Variants in YEATS2 observed in about 807,000 individuals in gnomAD.
YEATS2 encodes the protein YEATS domain-containing protein 2.
YEATS2 carries 77 observed loss-of-function variants against 163.2 expected under a neutral mutation model. The observed-to-expected ratio is 0.47, with a 90% confidence interval of 0.39 to 0.57. The LOEUF is 0.57. Among genes scored for constraint, YEATS2 ranks in the 20% least tolerant of loss-of-function variants. YEATS2 has a pLI of 0.00. For missense variants in YEATS2, 1,549 were observed against 1,729.8 expected (o/e 0.90, Z 1.85); for synonymous variants, 631 against 645.1 (o/e 0.98, Z 0.33).
chr3:183,750,148 A>C (rs968968259), intron 9 of YEATS2, among the ~76,000 whole-genome samples: 3 of 152,220 alleles, frequency 2.0e-5, no homozygotes. Flanking sequence ...TTGTAGAGAC[A>C]GGGTCTCACT....
Position 183,756,679 on chromosome 3 carries a change from T to C in YEATS2, c.1542T>C (p.Thr514=). 1 of 1,582,030 alleles carries C rather than the reference T, an allele frequency of 6.3e-7. No homozygotes were observed. The highest frequency in any genetic ancestry group is 8.6e-7 in the Non-Finnish European group (1 of 1,164,002). The part of the protein sequence containing the change: ...KQPGQVIGAT[T]PSTGSPTNKI... ...CGGGGCAGGTGATTGGAGCCACCAC[T>C]CCCAGTACAGGTGTGTATTAGATCC... Residue 514 remains threonine (T), a synonymous_variant, in exon 12 of 31, where the codon ACT becomes ACC. Coordinates refer to ENST00000305135, the MANE Select transcript of YEATS2 (RefSeq NM_018023.5).
chr3:183,804,337 A>G (rs961691478), intron 27 of YEATS2, 149 bp downstream of exon 27: 25 of 916,820 alleles, frequency 2.7e-5, no homozygotes, highest in Non-Finnish European at 3.9e-5. Context: ...TGCAGTCCCC[A>G]TGTTGCTGTT....
At chr3:183,729,047 C>A (rs370283730) in intron 7 of YEATS2, among the ~76,000 whole-genome samples, 196 bp downstream of exon 7, 17 of 152,144 alleles carry the variant, frequency 1.1e-4, no homozygotes, top group Non-Finnish European at 2.4e-4. Context: ...CCAAGGCAGG[C>A]GGATCATGAG....
intron 8 of YEATS2, among the ~76,000 whole-genome samples, chr3:183,746,517 G>C (rs183933395): frequency 6.6e-6 from 1 of 152,170 alleles, no homozygotes; most frequent in East Asian, 1.9e-4. Context: ...TCCTCTTCTT[G>C]TTTTGATACT....
intron 1 of YEATS2, among the ~76,000 whole-genome samples, chr3:183,702,082 C>T (rs1714151743): frequency 6.6e-6 from 1 of 152,212 alleles, no homozygotes; most frequent in Admixed American, 6.5e-5. Context: ...CCGACTCATC[C>T]ATGAAGTGAA....
chr3:183,706,384 A>G (rs1714618746), intron 1 of YEATS2, among the ~76,000 whole-genome samples: 1 of 152,178 alleles, frequency 6.6e-6, no homozygotes, highest in African/African-American at 2.4e-5. Flanking sequence ...TCTAAATGTT[A>G]TGAAAAGCTA....
At chr3:183,806,354 G>T (rs1577231919) in intron 27 of YEATS2, 2 of 456,542 alleles carry the variant, frequency 4.4e-6, no homozygotes. Context: ...GAAAGTGGAA[G>T]GGCACTAGTG....
At chr3:183,769,733 G>T (rs560257292) in intron 15 of YEATS2, among the ~76,000 whole-genome samples, 1 of 151,846 alleles carries the variant, frequency 6.6e-6, no homozygotes, top group Non-Finnish European at 1.5e-5. Flanking sequence ...TTGCTCTGTC[G>T]CCAGGCTAGA....
chr3:183,796,105 C>A (rs1233789162), intron 21 of YEATS2, among the ~76,000 whole-genome samples: 1 of 150,832 alleles, frequency 6.6e-6, no homozygotes, highest in Non-Finnish European at 1.5e-5. Context: ...GCCTCAGCCT[C>A]CCAAGTAGCT....
intron 10 of YEATS2, among the ~76,000 whole-genome samples, chr3:183,753,901 TTAA>T (rs1178579398): frequency 1.3e-5 from 2 of 152,238 alleles, no homozygotes; most frequent in Admixed American, 1.3e-4. Flanking sequence ...TGGTTTATAG[TTAA>T]TAATGTTTTC....
intron 10 of YEATS2, 21 bp from the exon 11 acceptor site, chr3:183,754,105 T>C (rs200010886): frequency 8.6e-6 from 13 of 1,518,088 alleles, no homozygotes; most frequent in Non-Finnish European, 1.8e-6. Flanking sequence ...ACTTGCCGTT[T>C]GCCTCTTTCA....
intron 4 of YEATS2, 74 bp from the exon 5 acceptor site, chr3:183,721,811 AGGTTTT>A (rs1716518426): frequency 6.5e-7 from 1 of 1,534,082 alleles, no homozygotes; most frequent in African/African-American, 1.4e-5. Context: ...GTAATAGATA[AGGTTTT>A]GGAGAGATCA....
chr3:183,774,318 G>A (rs1439234669), intron 17 of YEATS2, among the ~76,000 whole-genome samples: 4 of 152,134 alleles, frequency 2.6e-5, no homozygotes, highest in Non-Finnish European at 4.4e-5. Context: ...ACAGGAGCGC[G>A]AACCCTGTTG....
intron 1 of YEATS2, among the ~76,000 whole-genome samples, chr3:183,714,695 G>A (rs936055377): frequency 3.9e-5 from 6 of 152,144 alleles, no homozygotes; most frequent in Non-Finnish European, 5.9e-5. Context: ...CTTTAACTAT[G>A]TTGCTTATAT....
At chr3:183,802,253 A>G (rs1560334595) in intron 25 of YEATS2, 1 of 152,668 alleles carries the variant, frequency 6.6e-6, no homozygotes, top group East Asian at 1.9e-4. Context: ...ACCACCATGC[A>G]CACTCAGAGG....
At chr3:183,779,718 A>G (rs263010) in intron 19 of YEATS2, among the ~76,000 whole-genome samples, 55,396 of 151,634 alleles carry the variant, frequency 0.37, 11,784 homozygotes, top group Middle Eastern at 0.52. Context: ...TATTTTTTTG[A>G]GACACAGCCT....
chr3:183,806,357 C>T lies in YEATS2; in HGVS notation c.3785-509C>T, dbSNP rs547314366. On this transcript the variant is annotated intron_variant, in intron 27 of 30. Transcript: ENST00000305135. ...CACACTCATCCAGAAAGTGGAAGGG[C>T]ACTAGTGCCCTAGATCTGGCCTTGA... 1.3e-4 allele frequency: 61 copies of T among 456,516 alleles called. 1 individual carries two copies. The highest frequency in any genetic ancestry group is 7.6e-4 in the South Asian group (49 of 64,554). 28.3% of individuals were successfully genotyped at this position (456,516 alleles called of 1,614,324 possible).
Position 183,778,761 on chromosome 3 carries a change from C to T in YEATS2, c.2736+1061C>T, listed in dbSNP as rs181842572. ...TCATAAAATGAAGTGGAAGCTTTTC[C>T]TTTCTTTTCTCTTTATTGGAAGAGT... On this transcript the variant is annotated intron_variant, in intron 19 of 30. Coordinates refer to ENST00000305135, the MANE Select transcript of YEATS2 (RefSeq NM_018023.5). 5.4e-3 allele frequency among the ~76,000 whole-genome samples: 819 copies of T among 152,170 alleles called. 6 individuals carry two copies. Among genetic ancestry groups the T allele is most frequent in the Admixed American group, 0.013 (201 of 15,270 alleles).
intron 17 of YEATS2, among the ~76,000 whole-genome samples, chr3:183,774,815 C>T (rs1015269580): frequency 2.0e-5 from 3 of 152,136 alleles, no homozygotes; most frequent in African/African-American, 2.4e-5. Context: ...GTGTCAGTTC[C>T]ACTCTCACTT....
Sources: gnomAD v4.1 joint callset for allele counts (sites outside exome capture counted in the v4.1 genomes callset) on GRCh38, gnomAD v4.1.1 for gene constraint, MANE v1.5 for transcripts, NCBI Gene and HGNC (gene_info 2026-07-23, HGNC 2026-07-21) for gene names.